ADARB2: variants seen among roughly 807,000 people sequenced by gnomAD.
The protein encoded by ADARB2 is inactive double-stranded RNA-specific editase B2.
ADARB2 carries 25 observed loss-of-function variants against 62.2 expected under a neutral mutation model. That is an observed-to-expected ratio of 0.40 (90% CI 0.29 to 0.56). The LOEUF is 0.56. Ranked by LOEUF, ADARB2 falls within the 20% of genes least tolerant of loss-of-function variation. The pLI, the probability that ADARB2 is intolerant of heterozygous loss-of-function variation, is 0.43. For synonymous variants in ADARB2, 572 were observed against 500.8 expected (o/e 1.14, Z -1.90); for missense variants, 1,071 against 1,077.4 (o/e 0.99, Z 0.08).
intron 1 of ADARB2, among the ~76,000 whole-genome samples, chr10:1,714,849 G>C (rs1031210532): frequency 1.3e-5 from 2 of 152,194 alleles, no homozygotes; most frequent in Admixed American, 1.3e-4. Context: ...TTAACAAGGG[G>C]CTATTTTTTA....
At chr10:1,231,214 C>T (rs1830801282) in intron 6 of ADARB2, among the ~76,000 whole-genome samples, 1 of 152,174 alleles carries the variant, frequency 6.6e-6, no homozygotes, top group Non-Finnish European at 1.5e-5. Context: ...TCAGCACCAA[C>T]CCCAAGCATT....
chr10:1,242,637 C>G (rs1348971850), intron 4 of ADARB2, among the ~76,000 whole-genome samples: 2 of 152,184 alleles, frequency 1.3e-5, no homozygotes, highest in East Asian at 3.9e-4. Context: ...GTCCCAGGTC[C>G]CCTGTGAGTG....
intron 1 of ADARB2, among the ~76,000 whole-genome samples, chr10:1,686,101 G>T (rs1338462228): frequency 1.3e-5 from 2 of 152,198 alleles, no homozygotes; most frequent in African/African-American, 4.8e-5. Context: ...GTATTTGAGG[G>T]CTATTAGGCT....
intron 1 of ADARB2, among the ~76,000 whole-genome samples, chr10:1,448,566 A>G (rs1344639251): frequency 1.3e-5 from 2 of 152,182 alleles, no homozygotes; most frequent in African/African-American, 2.4e-5. Flanking sequence ...TTCTTATGAA[A>G]GTTTTCACAG....
intron 6 of ADARB2, among the ~76,000 whole-genome samples, chr10:1,224,437 CTGATT>C (rs1404872717): frequency 5.3e-5 from 8 of 151,872 alleles, no homozygotes; most frequent in African/African-American, 1.9e-4. Flanking sequence ...CAGTTCTGCT[CTGATT>C]TTAGTTATTT....
intron 1 of ADARB2, among the ~76,000 whole-genome samples, chr10:1,663,592 C>G (rs1361646218): frequency 2.6e-5 from 4 of 151,970 alleles, no homozygotes; most frequent in African/African-American, 4.8e-5. Flanking sequence ...TAAGCTTTCT[C>G]TATGTGTCTT....
intron 1 of ADARB2, among the ~76,000 whole-genome samples, chr10:1,581,022 T>A (rs1455105306): frequency 6.6e-6 from 1 of 152,242 alleles, no homozygotes; most frequent in South Asian, 2.1e-4. Flanking sequence ...AAAGCCGCTA[T>A]AAGCATCTGT....
At chr10:1,616,574 C>T in intron 1 of ADARB2, among the ~76,000 whole-genome samples, 1 of 147,564 alleles carries the variant, frequency 6.8e-6, no homozygotes, top group South Asian at 2.2e-4. Flanking sequence ...CTCCGCACCA[C>T]CCTGCTGTGC....
chr10:1,657,494 G>A (rs760366947), intron 1 of ADARB2, among the ~76,000 whole-genome samples: 1 of 151,878 alleles, frequency 6.6e-6, no homozygotes, highest in East Asian at 1.9e-4. Flanking sequence ...CTCCTCTCTT[G>A]GCCTCAGACA....
intron 1 of ADARB2, among the ~76,000 whole-genome samples, chr10:1,703,439 G>T (rs556938227): frequency 6.6e-6 from 1 of 152,266 alleles, no homozygotes; most frequent in African/African-American, 2.4e-5. Flanking sequence ...TGAGGGGTGG[G>T]GGGAGACTTT....
At chr10:1,439,071 TG>T (rs1830869561) in intron 1 of ADARB2, among the ~76,000 whole-genome samples, 1 of 136,882 alleles carries the variant, frequency 7.3e-6, no homozygotes, top group Non-Finnish European at 1.6e-5. Context: ...CCCTTCATGA[TG>T]GGGCTCCTGA....
chr10:1,566,486 A>G (rs1832863340), intron 1 of ADARB2, among the ~76,000 whole-genome samples: 1 of 152,258 alleles, frequency 6.6e-6, no homozygotes, highest in Admixed American at 6.5e-5. Context: ...AGCTGTGCAC[A>G]CGAGAAAGTA....
intron 1 of ADARB2, among the ~76,000 whole-genome samples, chr10:1,479,599 G>T (rs371472843): frequency 9.9e-5 from 15 of 152,180 alleles, no homozygotes; most frequent in African/African-American, 3.6e-4. Flanking sequence ...TAAACCATGG[G>T]TGGCATTTGG....
intron 1 of ADARB2, among the ~76,000 whole-genome samples, chr10:1,520,972 A>G (rs1352156385): frequency 6.6e-6 from 1 of 152,216 alleles, no homozygotes; most frequent in African/African-American, 2.4e-5. Context: ...AATACATTTC[A>G]GAAACGTCAA....
At chr10:1,414,326 C>T (rs1832784015) in intron 1 of ADARB2, among the ~76,000 whole-genome samples, 1 of 152,114 alleles carries the variant, frequency 6.6e-6, no homozygotes, top group African/African-American at 2.4e-5. Flanking sequence ...GGTCTAAAAC[C>T]CCTTGTGGTC....
intron 1 of ADARB2, among the ~76,000 whole-genome samples, chr10:1,462,912 G>A (rs1344977621): frequency 2.0e-5 from 3 of 150,928 alleles, no homozygotes; most frequent in African/African-American, 4.9e-5. Context: ...ATACCATTGT[G>A]AAGGAGATAA....
At chr10:1,612,110 G>T (rs1039859300) in intron 1 of ADARB2, among the ~76,000 whole-genome samples, 4 of 152,218 alleles carry the variant, frequency 2.6e-5, no homozygotes, top group African/African-American at 9.6e-5. Flanking sequence ...CCTGTGACTC[G>T]GTTCCTCCCC....
chr10:1,357,191 C>T (rs372652920), intron 3 of ADARB2, among the ~76,000 whole-genome samples: 2 of 152,182 alleles, frequency 1.3e-5, no homozygotes, highest in African/African-American at 2.4e-5. Context: ...CTCCTCCATT[C>T]GATTTATTCA....
chr10:1,681,633 C>T (rs1372515307), intron 1 of ADARB2, among the ~76,000 whole-genome samples: 1 of 152,020 alleles, frequency 6.6e-6, no homozygotes, highest in Non-Finnish European at 1.5e-5. Context: ...GGGCATGGTC[C>T]TGTGGTTTCT....
Sources: gnomAD v4.1 joint callset for allele counts (sites outside exome capture counted in the v4.1 genomes callset) on GRCh38, gnomAD v4.1.1 for gene constraint, MANE v1.5 for transcripts, NCBI Gene and HGNC (gene_info 2026-07-23, HGNC 2026-07-21) for gene names.